Variants in TMPRSS9 observed in about 807,000 individuals in gnomAD.
TMPRSS9 encodes transmembrane protease serine 9.
A neutral mutation model predicts 111.4 loss-of-function variants in TMPRSS9; 113 were observed. The observed-to-expected ratio is 1.01, with a 90% CI of 0.87 to 1.19. TMPRSS9 has a LOEUF of 1.19. Ranked by LOEUF, TMPRSS9 falls within the 50% of genes most tolerant of loss-of-function variation. The pLI is 0.00. For missense variants in TMPRSS9, 1,803 were observed against 1,513.1 expected (o/e 1.19, Z -3.18); for synonymous variants, 805 against 659.1 (o/e 1.22, Z -3.39).
chr19:2,405,697 G>A (rs1599299632), intron 7 of TMPRSS9, 152 bp downstream of exon 8: 1 of 738,096 alleles, frequency 1.4e-6, no homozygotes, highest in Non-Finnish European at 2.0e-6. Flanking sequence ...TGTTGAATCT[G>A]AGGGCATTCT....
At chr19:2,367,460 A>T (rs12984135) in intron 1 of TMPRSS9, among the ~76,000 whole-genome samples, 51,786 of 151,852 alleles carry the variant, frequency 0.34, 8,910 homozygotes, top group Middle Eastern at 0.45. Context: ...AGTGGTGGAA[A>T]CTTGGCTCCC....
chr19:2,416,988 T>C (rs1313187158), intron 12 of TMPRSS9, among the ~76,000 whole-genome samples, 179 bp downstream of exon 13: 2 of 152,144 alleles, frequency 1.3e-5, no homozygotes, highest in Non-Finnish European at 2.9e-5. Context: ...CCCCATTCCA[T>C]CTGGGGGCAA....
chr19:2,425,609 C>A lies in TMPRSS9; in HGVS notation c.3120+116C>A, dbSNP rs1369167096. 72 of 1,375,854 alleles carry A rather than the reference C, an allele frequency of 5.2e-5. 1 individual carries two copies. The South Asian group carries it at 7.1e-4, about 14-fold the overall frequency. The allele number at this position is 1,375,854 out of a possible 1,614,324, so 85.2% of individuals were successfully genotyped here. A position where few individuals can be genotyped will look rare whatever the true frequency, so the allele number is the denominator to read the frequency against. ...CACCCTCCGGTGCAGGCTTCTCCAG[C>A]GGATCAAGCAGGGAGCCTTTTTGGC... On this transcript the variant is annotated intron_variant, in intron 17 of 17. Coordinates refer to ENST00000648592, the Ensembl canonical transcript of TMPRSS9.
At chr19:2,388,808 A>C (rs1321460896), upstream of TMPRSS9, among the ~76,000 whole-genome samples, 1 of 151,416 alleles carries the variant, frequency 6.6e-6, no homozygotes, top group East Asian at 2.0e-4. Context: ...TTTTTTGTGG[A>C]GATGGGGGTC....
At chr19:2,422,167 T>C in exon 14 of TMPRSS9, 1 of 1,578,532 alleles carries the variant, frequency 6.3e-7, no homozygotes, top group Non-Finnish European at 8.6e-7. Flanking sequence ...AACTCAACCT[T>C]ATCTGCCGTG....
chr19:2,411,954 T>A (rs1971105070), intron 9 of TMPRSS9, among the ~76,000 whole-genome samples: 1 of 152,242 alleles, frequency 6.6e-6, no homozygotes, highest in African/African-American at 2.4e-5. Context: ...ACCATTTCTT[T>A]CTTTTTCTCT....
At chr19:2,419,803 C>A (rs1199793946) in intron 13 of TMPRSS9, among the ~76,000 whole-genome samples, 1 of 152,150 alleles carries the variant, frequency 6.6e-6, no homozygotes, top group Admixed American at 6.6e-5. Flanking sequence ...AGGCCTGAGC[C>A]ACTGCACCCG....
Position 2,410,414 on chromosome 19 carries a change from G to T in TMPRSS9, c.1254+20G>T. 1 of 1,612,520 alleles carries T rather than the reference G, an allele frequency of 6.2e-7. No homozygotes were observed. Among genetic ancestry groups the T allele is most frequent in the South Asian group, 1.1e-5 (1 of 91,032 alleles). ...TGCCAGGTGAGCCCCCGATGCCCCA[G>T]ACCCCAGAAAAACACAGAAATAGAC... is the stretch of plus-strand genomic sequence containing the variant. On this transcript the variant is annotated intron_variant, in intron 9 of 17. Coordinates refer to ENST00000648592, the Ensembl canonical transcript of TMPRSS9.
chr19:2,368,622 G>A (rs532396764), intron 1 of TMPRSS9, among the ~76,000 whole-genome samples: 31 of 152,174 alleles, frequency 2.0e-4, no homozygotes, highest in Middle Eastern at 3.4e-3. Context: ...GGGGAAGATG[G>A]AAGTGGCATT....
At chr19:2,400,103 C>T (rs1397106906) in intron 4 of TMPRSS9, among the ~76,000 whole-genome samples, 1 of 152,182 alleles carries the variant, frequency 6.6e-6, no homozygotes, top group Non-Finnish European at 1.5e-5. Flanking sequence ...ACAAAAGTAG[C>T]CACAGACAAT....
At chr19:2,425,404 G>A (rs755653026) in exon 17 of TMPRSS9, 1 of 1,569,646 alleles carries the variant, frequency 6.4e-7, no homozygotes, top group Middle Eastern at 1.7e-4. Flanking sequence ...CCTCCTCAGC[G>A]AGCAGACCTG....
At chr19:2,412,229 T>TACAAAA (rs72560533) in intron 9 of TMPRSS9, among the ~76,000 whole-genome samples, 5 of 150,876 alleles carry the variant, frequency 3.3e-5, no homozygotes, top group East Asian at 2.0e-4. Context: ...CTTTTGTCTC[T>TACAAAA]ACAAAAACAA....
At chr19:2,381,988 G>A (rs571756746) in intron 1 of TMPRSS9, among the ~76,000 whole-genome samples, 3 of 152,104 alleles carry the variant, frequency 2.0e-5, no homozygotes, top group Non-Finnish European at 2.9e-5. Flanking sequence ...GATTACAGGC[G>A]TGTGCCATCA....
intron 15 of TMPRSS9, among the ~76,000 whole-genome samples, chr19:2,424,544 T>C (rs547627713): frequency 0.19 from 16,507 of 85,800 alleles, 1,635 homozygotes; most frequent in African/African-American, 0.38. Context: ...GCCCCCCCCC[T>C]CCAGCTCCAG....
chr19:2,404,295 TTGTC>T (rs1007753541), intron 6 of TMPRSS9, among the ~76,000 whole-genome samples: 75 of 148,486 alleles, frequency 5.1e-4, no homozygotes, highest in African/African-American at 1.8e-3. Flanking sequence ...TTTGAAATCA[TTGTC>T]TGTCTAAAAT....
At chr19:2,387,761 T>G (rs974166947), upstream of TMPRSS9, among the ~76,000 whole-genome samples, 1 of 151,396 alleles carries the variant, frequency 6.6e-6, no homozygotes, top group Non-Finnish European at 1.5e-5. Context: ...AAAGAAAAAA[T>G]AAAAATCAGG....
intron 1 of TMPRSS9, among the ~76,000 whole-genome samples, chr19:2,373,382 C>G (rs1337394874): frequency 6.6e-6 from 1 of 152,078 alleles, no homozygotes. Context: ...AGGCACGCCA[C>G]CACACTTGGC....
rs2145305210 is a variant in TMPRSS9, at chr19:2,396,673, G to A, written c.270+7G>A. The A allele has an allele frequency of 1.2e-6, 2 of 1,603,214 alleles. No homozygotes were observed. The highest frequency in any genetic ancestry group is 1.7e-6 in the Non-Finnish European group (2 of 1,173,018). ...GCCCACCCTGGAGGCACTGGTGAGG[G>A]TGGTCTGTGTTTGGGGGCCAGGGAG... is the stretch of plus-strand genomic sequence containing the variant. On this transcript the variant is annotated splice_region_variant and intron_variant, in intron 2 of 17. Coordinates refer to ENST00000648592, the Ensembl canonical transcript of TMPRSS9.
intron 1 of TMPRSS9, among the ~76,000 whole-genome samples, chr19:2,376,784 A>G: frequency 6.6e-6 from 1 of 152,090 alleles, no homozygotes; most frequent in Non-Finnish European, 1.5e-5. Context: ...GAACGTACCC[A>G]GAGACACTGT....
Sources: gnomAD v4.1 joint callset for allele counts (sites outside exome capture counted in the v4.1 genomes callset) on GRCh38, gnomAD v4.1.1 for gene constraint, MANE v1.5 for transcripts, NCBI Gene and HGNC (gene_info 2026-07-23, HGNC 2026-07-21) for gene names.